The following ANK3 variants were observed in gnomAD, a reference collection of about 807,000 sequenced individuals.
ANK3 encodes the protein ankyrin 3, also known as ankyrin-3.
Under a neutral mutation model 370.9 loss-of-function variants are expected in ANK3, and 57 were observed. The ratio of observed to expected loss-of-function variants is 0.15; its 90% CI spans 0.12 to 0.19. The LOEUF is 0.19. Ranked by LOEUF, ANK3 falls within the 10% of genes least tolerant of loss-of-function variation. ANK3 has a pLI of 1.00. For synonymous variants in ANK3, 1,929 were observed against 1,946.3 expected, an observed-to-expected ratio of 0.99 and a Z score of 0.23; for missense variants, 4,439 against 5,302.1, an observed-to-expected ratio of 0.84 and a Z score of 5.06.
intron 2 of ANK3, among the ~76,000 whole-genome samples, chr10:60,552,138 CTT>C (rs2077102217): frequency 6.6e-6 from 1 of 152,142 alleles, no homozygotes; most frequent in Non-Finnish European, 1.5e-5. Flanking sequence ...AAGGATAAGA[CTT>C]TATCAATTAT....
At chr10:60,426,933 A>G (rs1348298265) in intron 2 of ANK3, among the ~76,000 whole-genome samples, 1 of 152,122 alleles carries the variant, frequency 6.6e-6, no homozygotes, top group East Asian at 1.9e-4. Context: ...TTCCAGTGAG[A>G]CTCAATGGCA....
intron 1 of ANK3, among the ~76,000 whole-genome samples, chr10:60,332,697 A>G (rs1230894351): frequency 6.6e-6 from 1 of 152,196 alleles, no homozygotes; most frequent in Non-Finnish European, 1.5e-5. Context: ...TAAATATATA[A>G]ATAAGAGCAC....
intron 1 of ANK3, among the ~76,000 whole-genome samples, chr10:60,615,560 T>C (rs112784624): frequency 1.3e-5 from 2 of 152,166 alleles, no homozygotes; most frequent in Non-Finnish European, 2.9e-5. Context: ...GCCAATGAGA[T>C]GCAACTGTAA....
intron 1 of ANK3, among the ~76,000 whole-genome samples, chr10:60,318,661 G>A (rs930687730): frequency 1.1e-4 from 16 of 151,938 alleles, no homozygotes; most frequent in Admixed American, 5.2e-4. Context: ...GAGAGGAGGG[G>A]GGATCATAAT....
intron 23 of ANK3, among the ~76,000 whole-genome samples, chr10:60,155,211 C>T (rs1367984700): frequency 2.0e-5 from 3 of 152,194 alleles, no homozygotes; most frequent in Non-Finnish European, 4.4e-5. Flanking sequence ...ATCTACACCA[C>T]CCCTCCCCCA....
intron 1 of ANK3, among the ~76,000 whole-genome samples, chr10:60,692,393 G>A (rs959561191): frequency 6.6e-6 from 1 of 152,182 alleles, no homozygotes; most frequent in Non-Finnish European, 1.5e-5. Context: ...GCTACTAGGT[G>A]TAACCTACAA....
chr10:60,118,150 G>A (rs907141868), intron 25 of ANK3, among the ~76,000 whole-genome samples: 4 of 152,214 alleles, frequency 2.6e-5, no homozygotes, highest in African/African-American at 7.2e-5. Context: ...GACTGAAGGT[G>A]TATATGGGGA....
At chr10:60,207,092 T>C (rs1217392126) in intron 10 of ANK3, among the ~76,000 whole-genome samples, 3 of 152,224 alleles carry the variant, frequency 2.0e-5, no homozygotes, top group Non-Finnish European at 4.4e-5. Context: ...ACACATTTGA[T>C]AGACTGGGTG....
intron 8 of ANK3, among the ~76,000 whole-genome samples, chr10:60,225,251 T>C (rs2097122086): frequency 6.6e-6 from 1 of 152,160 alleles, no homozygotes; most frequent in Non-Finnish European, 1.5e-5. Context: ...ACCAAAAATT[T>C]GGACTGTGTC....
chr10:60,471,524 T>C (rs564153664), intron 2 of ANK3, among the ~76,000 whole-genome samples: 69 of 152,238 alleles, frequency 4.5e-4, no homozygotes, highest in African/African-American at 1.5e-3. Context: ...GAATGCCTTA[T>C]AGGAAGACAA....
chr10:60,556,738 G>T (rs1368712637), intron 2 of ANK3, among the ~76,000 whole-genome samples: 1 of 152,172 alleles, frequency 6.6e-6, no homozygotes, highest in Non-Finnish European at 1.5e-5. Context: ...AAATCTATCA[G>T]AGGAGAACAG....
intron 1 of ANK3, among the ~76,000 whole-genome samples, chr10:60,321,396 AGAG>A (rs199811731): frequency 0.65 from 91,542 of 141,374 alleles, 29,574 homozygotes; most frequent in South Asian, 0.75. Context: ...AGAAAAGAGA[AGAG>A]AAGAAAAGAA....
intron 1 of ANK3, among the ~76,000 whole-genome samples, chr10:60,358,845 T>G (rs2058180607): frequency 6.6e-6 from 1 of 152,208 alleles, no homozygotes; most frequent in South Asian, 2.1e-4. Flanking sequence ...ATAAACCTTT[T>G]TTTTTTGGAA....
At chr10:60,685,174 T>C in intron 1 of ANK3, 1 of 489,918 alleles carries the variant, frequency 2.0e-6, no homozygotes, top group East Asian at 5.3e-5. Context: ...CTGTCTGCCC[T>C]CCTGGATGCT....
chr10:60,187,339 T>C (rs1343868617), intron 16 of ANK3, among the ~76,000 whole-genome samples: 1 of 151,886 alleles, frequency 6.6e-6, no homozygotes, highest in Admixed American at 6.6e-5. Context: ...GTATTTTTAG[T>C]AGAGACGGGG....
intron 1 of ANK3, among the ~76,000 whole-genome samples, chr10:60,361,657 G>C (rs1185353848): frequency 1.3e-5 from 2 of 152,162 alleles, no homozygotes; most frequent in Non-Finnish European, 2.9e-5. Context: ...ACAAGGTATG[G>C]GGGAAGTGGA....
intron 1 of ANK3, among the ~76,000 whole-genome samples, chr10:60,316,045 G>A (rs886939592): frequency 1.3e-5 from 2 of 152,016 alleles, no homozygotes; most frequent in Non-Finnish European, 2.9e-5. Context: ...AGAGACTCAG[G>A]GCTCCCTCAA....
At chr10:60,728,629 T>C (rs2079976532) in intron 1 of ANK3, among the ~76,000 whole-genome samples, 2 of 152,232 alleles carry the variant, frequency 1.3e-5, no homozygotes, top group African/African-American at 4.8e-5. Flanking sequence ...AAATACTTTT[T>C]TCCAACCCTC....
In ANK3 at chr10:60,689,741, C is replaced by A. The variant is rs1365252017; in HGVS notation, c.57+43522G>T. 1.7e-4 allele frequency among the ~76,000 whole-genome samples: 22 copies of A among 127,604 alleles called. 1 individual carries two copies. Among genetic ancestry groups the A allele is most frequent in the African/African-American group, 4.9e-4 (17 of 34,950 alleles). The allele number at this position is 127,604 out of a possible 152,430, so 83.7% of individuals were successfully genotyped here. On this transcript the variant is annotated intron_variant, in intron 1 of 43. Coordinates refer to the ANK3 transcript ENST00000373827. ...TTGCACTCAAGCCTGGGTGATGGAGCAAGACTTCATCTCAAAAAAAAAAAA... is the reference window on the plus strand; with the variant it reads ...TTGCACTCAAGCCTGGGTGATGGAGAAAGACTTCATCTCAAAAAAAAAAAA...
Sources: gnomAD v4.1 joint callset for allele counts (sites outside exome capture counted in the v4.1 genomes callset) on GRCh38, gnomAD v4.1.1 for gene constraint, MANE v1.5 for transcripts, NCBI Gene and HGNC (gene_info 2026-07-23, HGNC 2026-07-21) for gene names.